The following NKAIN2 variants were observed in gnomAD, a reference collection of about 807,000 sequenced individuals.
NKAIN2 encodes sodium/potassium transporting ATPase interacting 2.
In NKAIN2, 14 loss-of-function variants were observed where a neutral mutation model predicts 32.6. The observed-to-expected ratio is 0.43, with a 90% CI of 0.28 to 0.67. The LOEUF is 0.67. Among genes scored for constraint, NKAIN2 ranks in the 30% least tolerant of loss-of-function variants. NKAIN2 has a pLI of 0.17. For missense variants in NKAIN2, 198 were observed against 258.3 expected, an observed-to-expected ratio of 0.77 and a Z score of 1.60; for synonymous variants, 80 against 87.2, an observed-to-expected ratio of 0.92 and a Z score of 0.46.
At chr6:124,526,016 G>A (rs976458307) in intron 3 of NKAIN2, among the ~76,000 whole-genome samples, 15 of 152,182 alleles carry the variant, frequency 9.9e-5, no homozygotes, top group African/African-American at 3.6e-4. Flanking sequence ...TATTGATGAT[G>A]AGATGGATCA....
chr6:124,389,832 G>A (rs1773069243), intron 3 of NKAIN2, among the ~76,000 whole-genome samples: 1 of 151,908 alleles, frequency 6.6e-6, no homozygotes, highest in Admixed American at 6.6e-5. Context: ...AGACATGACA[G>A]TAATTGCTGA....
At chr6:124,256,885 GTTTTTTTTTTT>G (rs568654193) in intron 1 of NKAIN2, among the ~76,000 whole-genome samples, 2 of 75,916 alleles carry the variant, frequency 2.6e-5, no homozygotes, top group African/African-American at 9.6e-5. Flanking sequence ...GCTTTCTGTT[GTTTTTTTTTTT>G]TTTTTTTTTT....
At chr6:124,442,608 T>G (rs1201806269) in intron 3 of NKAIN2, among the ~76,000 whole-genome samples, 2 of 152,084 alleles carry the variant, frequency 1.3e-5, no homozygotes, top group East Asian at 1.9e-4. Flanking sequence ...TGTGTTACAT[T>G]AGATTGTTAC....
intron 3 of NKAIN2, among the ~76,000 whole-genome samples, chr6:124,614,593 C>T (rs1283496185): frequency 6.6e-6 from 1 of 152,152 alleles, no homozygotes; most frequent in Non-Finnish European, 1.5e-5. Flanking sequence ...CCAAAGCCTT[C>T]AATCTCTGAA....
intron 2 of NKAIN2, among the ~76,000 whole-genome samples, chr6:124,306,732 G>A (rs928389471): frequency 2.0e-5 from 3 of 152,124 alleles, no homozygotes; most frequent in African/African-American, 2.4e-5. Context: ...ATTCTGTGCA[G>A]TGTTGCCCTG....
At chr6:124,520,025 A>G (rs6940226) in intron 3 of NKAIN2, among the ~76,000 whole-genome samples, 39,262 of 152,146 alleles carry the variant, frequency 0.26, 5,951 homozygotes, top group Middle Eastern at 0.39. Flanking sequence ...ATGCTCGAGC[A>G]AGGTCACAGA....
At position 124,411,194 on chromosome 6, in the gene NKAIN2, A is replaced by T. The variant is rs149353717; in HGVS notation, c.273+55847A>T. Among the ~76,000 whole-genome samples the T allele has an allele frequency of 1.7e-3, 265 of 151,986 alleles. 8 individuals carry two copies. In the East Asian group the frequency reaches 0.046, roughly 26 times the overall value. ...TAGCCCATTTACATTTAAGATTAGTATTGGTATGTGTGAATTTGATCCTGT... is the reference window on the plus strand; with the variant it reads ...TAGCCCATTTACATTTAAGATTAGTTTTGGTATGTGTGAATTTGATCCTGT... On this transcript the variant is annotated intron_variant, in intron 3 of 6. Transcript: ENST00000368417.
In NKAIN2 at chr6:124,808,112, G is replaced by T. The variant is rs913187522; in HGVS notation, c.536-10275G>T. On this transcript the variant is annotated intron_variant, in intron 5 of 6. Coordinates refer to ENST00000368417, the MANE Select transcript of NKAIN2 (RefSeq NM_001040214.3). ...CTATTCCAATCAATAGAAAAAGAGG[G>T]AATCCTCCCTAACTCACTTTATGAG... 2.7e-4 allele frequency among the ~76,000 whole-genome samples: 41 copies of T among 151,926 alleles called. 1 individual carries two copies. In the South Asian group the frequency reaches 8.0e-3, roughly 30 times the overall value.
intron 1 of NKAIN2, among the ~76,000 whole-genome samples, chr6:123,887,346 C>T (rs1773772453): frequency 6.6e-6 from 1 of 152,132 alleles, no homozygotes; most frequent in African/African-American, 2.4e-5. Context: ...CTTTTTCCAG[C>T]TTTCACTTTA....
At chr6:123,920,193 C>T (rs537824669) in intron 1 of NKAIN2, among the ~76,000 whole-genome samples, 20 of 152,102 alleles carry the variant, frequency 1.3e-4, no homozygotes, top group African/African-American at 4.6e-4. Context: ...TAAGTTTGTT[C>T]TTGCAAAGTG....
At chr6:124,727,318 T>C (rs1583737950) in intron 4 of NKAIN2, among the ~76,000 whole-genome samples, 1 of 152,122 alleles carries the variant, frequency 6.6e-6, no homozygotes, top group Non-Finnish European at 1.5e-5. Context: ...AAAGGTCGGG[T>C]TACCCTCAAA....
chr6:124,351,595 G>A (rs979740130), intron 2 of NKAIN2, among the ~76,000 whole-genome samples: 2 of 151,204 alleles, frequency 1.3e-5, no homozygotes, highest in African/African-American at 4.9e-5. Flanking sequence ...GAGGATTACT[G>A]CTATTTTATT....
intron 3 of NKAIN2, among the ~76,000 whole-genome samples, chr6:124,373,505 G>A (rs572062798): frequency 1.3e-5 from 2 of 152,254 alleles, no homozygotes; most frequent in East Asian, 1.9e-4. Context: ...TCATTAGTAT[G>A]TAAATAGAGA....
chr6:124,806,513 G>C lies in NKAIN2; in HGVS notation c.536-11874G>C, dbSNP rs192632523. Among the ~76,000 whole-genome samples, 531 of 151,992 alleles carry C rather than the reference G, an allele frequency of 3.5e-3. 2 individuals are homozygous for C. Among genetic ancestry groups the C allele is most frequent in the Non-Finnish European group, 5.6e-3 (382 of 67,978 alleles). ...ACACTAAACATGGAAAGGCACAACC[G>C]GTACCAGCCACTGCAAAATCATGCC... On this transcript the variant is annotated intron_variant, in intron 5 of 6. Transcript: ENST00000368417.
chr6:124,442,283 A>T (rs1265981156), intron 3 of NKAIN2, among the ~76,000 whole-genome samples: 1 of 152,070 alleles, frequency 6.6e-6, no homozygotes, highest in African/African-American at 2.4e-5. Context: ...AGAATTGAAG[A>T]TATGTTAACC....
At chr6:124,674,534 T>G (rs965090901) in intron 4 of NKAIN2, among the ~76,000 whole-genome samples, 4 of 152,002 alleles carry the variant, frequency 2.6e-5, no homozygotes, top group Admixed American at 1.3e-4. Flanking sequence ...CTTTAATTAC[T>G]TAGCAATGTT....
intron 1 of NKAIN2, among the ~76,000 whole-genome samples, chr6:124,235,625 G>A (rs1224325717): frequency 6.0e-5 from 9 of 150,040 alleles, no homozygotes; most frequent in Admixed American, 6.0e-4. Flanking sequence ...CTGAGACAGA[G>A]TCTCACTCTG....
chr6:124,175,222 T>C (rs1789096215), intron 1 of NKAIN2, among the ~76,000 whole-genome samples: 1 of 152,112 alleles, frequency 6.6e-6, no homozygotes, highest in Admixed American at 6.5e-5. Context: ...GAAGTGCTTG[T>C]AGAAACTTGC....
At chr6:124,385,200 A>G (rs890447785) in intron 3 of NKAIN2, among the ~76,000 whole-genome samples, 47 of 152,276 alleles carry the variant, frequency 3.1e-4, no homozygotes, top group African/African-American at 1.1e-3. Flanking sequence ...TATGAGGTAT[A>G]AAAAGTTCTG....
Sources: gnomAD v4.1 joint callset for allele counts (sites outside exome capture counted in the v4.1 genomes callset) on GRCh38, gnomAD v4.1.1 for gene constraint, MANE v1.5 for transcripts, NCBI Gene and HGNC (gene_info 2026-07-23, HGNC 2026-07-21) for gene names.